Variants in ZNF493 observed in about 807,000 individuals in gnomAD.
The protein encoded by ZNF493 is zinc finger protein 493.
ZNF493 carries 11 observed loss-of-function variants against 12.2 expected under a neutral mutation model. That is an observed-to-expected ratio of 0.90 (90% CI 0.57 to 1.50). The LOEUF (loss-of-function observed/expected upper bound fraction) is 1.50. Among genes scored for constraint, ZNF493 ranks in the 40% most tolerant of loss-of-function variants. The probability of loss-of-function intolerance (pLI) is 0.00; values close to 1 mark genes in which losing one functional copy is unlikely to be tolerated. For synonymous variants in ZNF493, 286 were observed against 302.6 expected (o/e 0.95, Z 0.57); for missense variants, 950 against 906.6 (o/e 1.05, Z -0.61).
At chr19:21,410,106 GT>G (rs2030276383) in intron 3 of ZNF493, among the ~76,000 whole-genome samples, 3 of 145,880 alleles carry the variant, frequency 2.1e-5, no homozygotes, top group Non-Finnish European at 4.5e-5. Context: ...CACTTTTGAT[GT>G]GTTTATAAAT....
chr19:21,422,626 T>G (rs1489448818), intron 3 of ZNF493, among the ~76,000 whole-genome samples: 1 of 152,084 alleles, frequency 6.6e-6, no homozygotes, highest in Admixed American at 6.6e-5. Flanking sequence ...TTATGTTATA[T>G]TGGGAAGCAG....
In ZNF493 at chr19:21,413,694, G is replaced by A. The variant is rs2030396889; in HGVS notation, c.253+7838G>A. ...ATCAGCTGTTGATTTTGGCCTGGAG[G>A]AACACAAGCATAATCTCTACCCCAA... is the stretch of plus-strand genomic sequence containing the variant. On this transcript the variant is annotated intron_variant, in intron 3 of 3. Transcript: ENST00000392288. 1.0e-5 allele frequency: 4 copies of A among 400,182 alleles called. No homozygotes were observed. The South Asian group carries it at 3.3e-4, about 33-fold the overall frequency. 24.8% of individuals were successfully genotyped at this position (400,182 alleles called of 1,614,324 possible).
intron 1 of ZNF493, among the ~76,000 whole-genome samples, chr19:21,402,606 C>T (rs1219657763): frequency 6.6e-6 from 1 of 152,086 alleles, no homozygotes; most frequent in Non-Finnish European, 1.5e-5. Flanking sequence ...CAAGACAGGG[C>T]CAGACTTTCA....
intron 3 of ZNF493, among the ~76,000 whole-genome samples, chr19:21,416,972 A>G (rs2030513812): frequency 6.6e-6 from 1 of 152,214 alleles, no homozygotes; most frequent in African/African-American, 2.4e-5. Flanking sequence ...GTTTTGCAGC[A>G]TAAGTCTACT....
intron 1 of ZNF493, among the ~76,000 whole-genome samples, chr19:21,400,341 T>C (rs1030450815): frequency 2.0e-5 from 3 of 151,954 alleles, no homozygotes; most frequent in Admixed American, 6.6e-5. Context: ...ACCTAAGAGG[T>C]TGAGGTTGTA....
chr19:21,423,533 C>G lies in ZNF493; in HGVS notation c.874C>G (p.Pro292Ala). 1 of 1,613,484 alleles carries G rather than the reference C, an allele frequency of 6.2e-7. No individual in the cohort carries two copies. Among genetic ancestry groups the G allele is most frequent in the South Asian group, 1.1e-5 (1 of 91,066 alleles). Reference sequence around the variant, plus strand: ...TAAGCTAATTCATACTAGAGAGAAACCCTATAAATGTGAACAATATGGCAA... The same window carrying G: ...TAAGCTAATTCATACTAGAGAGAAAGCCTATAAATGTGAACAATATGGCAA... The part of the protein sequence containing the change: ...RHKLIHTREK[P>A]YKCEQYGKTF... The change falls in exon 4 of 4, where the codon CCC becomes GCC. Residue 292 changes from proline (P) to alanine (A), a missense_variant. By Grantham distance (27) the Pro-to-Ala change is conservative. Coordinates refer to ENST00000392288, the MANE Select transcript of ZNF493 (RefSeq NM_001076678.3).
At chr19:21,412,803 C>T (rs1298998407) in intron 3 of ZNF493, 1 of 280,812 alleles carries the variant, frequency 3.6e-6, no homozygotes, top group African/African-American at 2.3e-5. Flanking sequence ...TATCCAAAAA[C>T]AACTTTGTAG....
Position 21,423,784 on chromosome 19 carries a change from A to G in ZNF493, c.1125A>G (p.Lys375=). 1 of 1,613,166 alleles carries G rather than the reference A, an allele frequency of 6.2e-7. No homozygotes were observed. Among genetic ancestry groups the G allele is most frequent in the African/African-American group, 1.3e-5 (1 of 75,006 alleles). ...ATAAAAGAATTCATACTGGAGAGAA[A>G]CCCTACAAATGTGAAGAATGTGGCA... ...TTHKRIHTGE[K]PYKCEECGKA... The change falls in exon 4 of 4, where the codon AAA becomes AAG. Residue 375 remains lysine, a synonymous_variant. Coordinates refer to ENST00000392288, the MANE Select transcript of ZNF493 (RefSeq NM_001076678.3).
At chr19:21,398,510 TG>T in intron 1 of ZNF493, 1 of 296,130 alleles carries the variant, frequency 3.4e-6, no homozygotes, top group Non-Finnish European at 6.5e-6. Flanking sequence ...TTCCTGGTCA[TG>T]GGTTTCAGTA....
Position 21,425,755 on chromosome 19 carries a change from A to C in ZNF493, c.*771A>C. On this transcript the variant is annotated 3_prime_UTR_variant, in exon 4 of 4. Coordinates refer to ENST00000392288, the MANE Select transcript of ZNF493 (RefSeq NM_001076678.3). ...AACCTTACTAAACATAAGATAACTC[A>C]TACTGGAGAAAAATCTTACAAATGT... 1.7e-6 allele frequency: 1 copy of C among 599,698 alleles called. No individual in the cohort carries two copies. The highest frequency in any genetic ancestry group is 3.1e-6 in the Non-Finnish European group (1 of 319,034). The allele number at this position is 599,698 out of a possible 1,614,324, so 37.1% of individuals were successfully genotyped here.
rs568345420 is a variant in ZNF493 at position 21,411,275 on chromosome 19, CTCTGT to C, written c.253+5428_253+5432del. Among the ~76,000 whole-genome samples, 626 of 152,214 alleles carry C rather than the reference CTCTGT, an allele frequency of 4.1e-3. 8 individuals carry two copies. The highest frequency in any genetic ancestry group is 0.014 in the African/African-American group (581 of 41,544). On this transcript the variant is annotated intron_variant, in intron 3 of 3. Transcript: ENST00000392288. Reference sequence around the variant, plus strand: ...ATACAGAAGGCTTCATTTCTGGGCTCTCTGTTCTGTTCTTTCATCTTTTTATCTTT... The same window carrying C: ...ATACAGAAGGCTTCATTTCTGGGCTCTCTGTTCTTTCATCTTTTTATCTTT...
At chr19:21,405,930 GC>G in intron 3 of ZNF493, 74 bp downstream of exon 3, 1 of 562,946 alleles carries the variant, frequency 1.8e-6, no homozygotes, top group Non-Finnish European at 2.5e-6. Flanking sequence ...AAAAAAAAAA[GC>G]CAGTCCTGGC....
At chr19:21,400,296 G>C (rs2029896866) in intron 1 of ZNF493, among the ~76,000 whole-genome samples, 1 of 152,028 alleles carries the variant, frequency 6.6e-6, no homozygotes, top group South Asian at 2.1e-4. Flanking sequence ...TGTAGTCCCA[G>C]CTACTTGGGA....
intron 3 of ZNF493, among the ~76,000 whole-genome samples, chr19:21,419,464 T>A (rs888000825): frequency 5.3e-5 from 8 of 151,190 alleles, no homozygotes; most frequent in African/African-American, 1.9e-4. Context: ...GCAAAGAGAG[T>A]CAGTCTGAGT....
In ZNF493 at chr19:21,424,074, G is replaced by GTGT; in HGVS notation, c.1415_1416insTGT (p.Arg472_Ser473insVal). On this transcript the variant is annotated inframe_insertion, in exon 4 of 4. Coordinates refer to ENST00000392288, the MANE Select transcript of ZNF493 (RefSeq NM_001076678.3). The stretch of plus-strand genomic sequence containing the variant: ...GAAGAATGTGGCAAAGCTTTTAAAC[G>GTGT]ATCTTCAACCCTTACTAAACATAGG... The GTGT allele has an allele frequency of 1.2e-6, 2 of 1,607,336 alleles. No individual in the cohort carries two copies. Among genetic ancestry groups the GTGT allele is most frequent in the Non-Finnish European group, 1.7e-6 (2 of 1,177,226 alleles).
At chr19:21,401,304 G>C (rs1280029718) in intron 1 of ZNF493, among the ~76,000 whole-genome samples, 1 of 152,144 alleles carries the variant, frequency 6.6e-6, no homozygotes, top group Non-Finnish European at 1.5e-5. Context: ...ATACAGCCAA[G>C]TTGATCGTAG....
Position 21,424,139 on chromosome 19 carries a change from T to C in ZNF493, c.1480T>C (p.Cys494Arg). The change falls in exon 4 of 4, where the codon TGT (cysteine) becomes CGT (arginine). Residue 494 changes from cysteine to arginine, a missense_variant. Cys to Arg is a radical substitution (Grantham distance 180). Coordinates refer to ENST00000392288, the MANE Select transcript of ZNF493 (RefSeq NM_001076678.3). ...AGAGAAACCCTACAAATGTGAAGAA[T>C]GTGGCAAAGCTTTTAACCAATCTTC... ...TEEKPYKCEE[C>R]GKAFNQSSTL... 4 of 1,613,678 alleles carry C rather than the reference T, an allele frequency of 2.5e-6. No individual in the cohort carries two copies. Among genetic ancestry groups the C allele is most frequent in the Non-Finnish European group, 3.4e-6 (4 of 1,179,792 alleles).
chr19:21,410,769 A>G (rs1599372543), intron 3 of ZNF493, among the ~76,000 whole-genome samples: 1 of 151,758 alleles, frequency 6.6e-6, no homozygotes, highest in African/African-American at 2.4e-5. Flanking sequence ...TTACTTTTTC[A>G]TGTCTAAGTT....
intron 3 of ZNF493, among the ~76,000 whole-genome samples, chr19:21,419,181 T>G (rs2562411): frequency 0.17 from 26,019 of 151,992 alleles, 2,486 homozygotes; most frequent in Non-Finnish European, 0.22. Context: ...GCGACAGTGT[T>G]GTGGGACTGA....
Sources: allele counts gnomAD v4.1 joint callset (sites outside exome capture counted in the v4.1 genomes callset), GRCh38; gene constraint gnomAD v4.1.1; transcripts MANE v1.5; gene names NCBI Gene and HGNC (gene_info 2026-07-23, HGNC 2026-07-21).